The following CEP112 variants were observed in gnomAD, a reference collection of about 807,000 sequenced individuals.
CEP112 encodes centrosomal protein 112.
A neutral mutation model predicts 153.0 loss-of-function variants in CEP112; 127 were observed. The ratio of observed to expected loss-of-function variants is 0.83; its 90% CI spans 0.72 to 0.96. The LOEUF is 0.96. Among genes scored for constraint, CEP112 ranks in the 40% least tolerant of loss-of-function variants. The pLI is 0.00. For synonymous variants in CEP112, 358 were observed against 374.4 expected (o/e 0.96, Z 0.51); for missense variants, 1,089 against 1,101.2 (o/e 0.99, Z 0.16).
At chr17:65,984,531 C>A (rs147569054) in intron 17 of CEP112, among the ~76,000 whole-genome samples, 1 of 151,740 alleles carries the variant, frequency 6.6e-6, no homozygotes, top group Non-Finnish European at 1.5e-5. Flanking sequence ...AACAGAAGAC[C>A]GACAAAACAG....
intron 20 of CEP112, among the ~76,000 whole-genome samples, chr17:65,862,950 C>T (rs1258171481): frequency 3.9e-5 from 6 of 151,962 alleles, no homozygotes; most frequent in Non-Finnish European, 8.8e-5. Context: ...TTATTCCTTA[C>T]TTTTGTTTAG....
chr17:66,139,227 T>C (rs1237418541), intron 4 of CEP112, among the ~76,000 whole-genome samples: 1 of 152,126 alleles, frequency 6.6e-6, no homozygotes. Flanking sequence ...AACCTTTGGC[T>C]ACACAGAATA....
chr17:66,068,847 C>T (rs1160981844), intron 9 of CEP112, among the ~76,000 whole-genome samples: 2 of 151,836 alleles, frequency 1.3e-5, no homozygotes, highest in African/African-American at 4.8e-5. Flanking sequence ...TTCAATTGTA[C>T]ATGTTATATT....
intron 17 of CEP112, among the ~76,000 whole-genome samples, chr17:65,970,306 A>C (rs1477557443): frequency 8.7e-6 from 1 of 114,978 alleles, no homozygotes; most frequent in East Asian, 9.8e-4. Context: ...CTGCATGTGT[A>C]TCTCATATGT....
intron 23 of CEP112, among the ~76,000 whole-genome samples, chr17:65,697,734 T>C (rs2048425982): frequency 2.0e-5 from 3 of 152,168 alleles, no homozygotes; most frequent in Non-Finnish European, 4.4e-5. Flanking sequence ...ATAGGCTAAA[T>C]CTACTAACAA....
chr17:65,989,464 T>C (rs1228281393), intron 17 of CEP112, among the ~76,000 whole-genome samples: 1 of 133,528 alleles, frequency 7.5e-6, no homozygotes, highest in Non-Finnish European at 1.6e-5. Flanking sequence ...GATGACAGTT[T>C]CAAAGTTCAG....
At chr17:65,961,400 T>C in intron 18 of CEP112, 63 bp downstream of exon 18, 2 of 1,419,968 alleles carry the variant, frequency 1.4e-6, no homozygotes. Flanking sequence ...ATATTTAAGA[T>C]GAGAATGTAC....
chr17:65,808,687 G>T (rs2055762916), intron 21 of CEP112, among the ~76,000 whole-genome samples: 1 of 152,026 alleles, frequency 6.6e-6, no homozygotes. Flanking sequence ...GGGAAGATGT[G>T]CCTTGTTTCT....
intron 21 of CEP112, among the ~76,000 whole-genome samples, chr17:65,789,248 G>A (rs1038106856): frequency 1.3e-4 from 20 of 152,114 alleles, no homozygotes; most frequent in African/African-American, 4.3e-4. Flanking sequence ...GCTCTTGACA[G>A]TCCTGCCAAC....
rs548220327 is a variant in CEP112 at position 66,049,424 on chromosome 17, A to T, written c.1218+4312T>A. 3.8e-4 allele frequency among the ~76,000 whole-genome samples: 58 copies of T among 152,290 alleles called. 1 individual carries two copies. The East Asian group carries it at 0.011, about 28-fold the overall frequency. On this transcript the variant is annotated intron_variant, in intron 12 of 26. Transcript: ENST00000535342. ...TGAAGATAAATTATGAGAACAGATG[A>T]ACTAAGAATTTTAAATAAGCTTAAT...
chr17:65,800,122 G>A (rs2055176732), intron 21 of CEP112, among the ~76,000 whole-genome samples: 1 of 151,970 alleles, frequency 6.6e-6, no homozygotes, highest in South Asian at 2.1e-4. Flanking sequence ...TTAAAAAACT[G>A]AGATATAACT....
chr17:65,750,745 A>G, intron 21 of CEP112, 21 bp from the exon 22 acceptor site: 1 of 1,610,898 alleles, frequency 6.2e-7, no homozygotes, highest in Admixed American at 1.7e-5. Flanking sequence ...CATGTACATG[A>G]ACACATACAC....
At chr17:66,115,269 C>T (rs1005487374) in intron 6 of CEP112, among the ~76,000 whole-genome samples, 20 of 152,154 alleles carry the variant, frequency 1.3e-4, no homozygotes, top group African/African-American at 4.3e-4. Context: ...CTCTAGCACA[C>T]AGTGCTGCTG....
chr17:65,718,981 C>T (rs2049711003), intron 23 of CEP112, among the ~76,000 whole-genome samples: 1 of 152,130 alleles, frequency 6.6e-6, no homozygotes, highest in Non-Finnish European at 1.5e-5. Flanking sequence ...GGACTCACCC[C>T]CAAGCATGGA....
In CEP112 at chr17:66,161,845, A is replaced by T. The variant is rs1316503108; in HGVS notation, c.470+13199T>A. The stretch of plus-strand genomic sequence containing the variant: ...TTAAAGTATATTAAAAAAAAGAATA[A>T]AAAAACTCTGCACGAATTTAAAAAT... On this transcript the variant is annotated intron_variant, in intron 4 of 26. Coordinates refer to ENST00000535342, the MANE Select transcript of CEP112 (RefSeq NM_001199165.4). 3.3e-5 allele frequency among the ~76,000 whole-genome samples: 5 copies of T among 152,098 alleles called. No homozygotes were observed. The South Asian group carries it at 8.3e-4, about 25-fold the overall frequency.
chr17:65,875,762 CT>C (rs937968721), intron 20 of CEP112, among the ~76,000 whole-genome samples: 6 of 152,126 alleles, frequency 3.9e-5, no homozygotes, highest in African/African-American at 1.4e-4. Flanking sequence ...CTCACAACCC[CT>C]ATTATCTAAA....
At chr17:66,142,273 T>C (rs1002407420) in intron 4 of CEP112, among the ~76,000 whole-genome samples, 1 of 152,206 alleles carries the variant, frequency 6.6e-6, no homozygotes, top group Non-Finnish European at 1.5e-5. Flanking sequence ...ATTACATATG[T>C]GGCTTGCAAA....
chr17:65,896,203 A>G (rs2059653144), intron 20 of CEP112, among the ~76,000 whole-genome samples: 1 of 152,114 alleles, frequency 6.6e-6, no homozygotes, highest in Non-Finnish European at 1.5e-5. Context: ...AAAAATATGC[A>G]CAGGACTAAA....
At chr17:66,014,601 C>G (rs2064691752) in intron 16 of CEP112, among the ~76,000 whole-genome samples, 1 of 152,152 alleles carries the variant, frequency 6.6e-6, no homozygotes, top group African/African-American at 2.4e-5. Flanking sequence ...TCTGCCAGCT[C>G]AAGTGTGGGG....
Sources: gnomAD v4.1 joint callset for allele counts (sites outside exome capture counted in the v4.1 genomes callset) on GRCh38, gnomAD v4.1.1 for gene constraint, MANE v1.5 for transcripts, NCBI Gene and HGNC (gene_info 2026-07-23, HGNC 2026-07-21) for gene names.